RALGPS2: variants seen among roughly 807,000 people sequenced by gnomAD.
RALGPS2 encodes ras-specific guanine nucleotide-releasing factor RalGPS2.
A neutral mutation model predicts 86.8 loss-of-function variants in RALGPS2; 43 were observed. That is an observed-to-expected ratio of 0.50 (90% CI 0.39 to 0.64). RALGPS2 has a LOEUF of 0.64. Among genes scored for constraint, RALGPS2 ranks in the 30% least tolerant of loss-of-function variants. RALGPS2 has a pLI of 0.00. For missense variants in RALGPS2, 536 were observed against 694.6 expected (o/e 0.77, Z 2.57); for synonymous variants, 243 against 231.3 (o/e 1.05, Z -0.46).
intron 7 of RALGPS2, among the ~76,000 whole-genome samples, chr1:178,830,728 A>T (rs1490296448): frequency 6.6e-6 from 1 of 152,134 alleles, no homozygotes; most frequent in African/African-American, 2.4e-5. Context: ...AGCTCCAACA[A>T]TGAAAAAAAT....
At chr1:178,856,202 G>GAGAGAGATATAT (rs1428022812) in intron 8 of RALGPS2, among the ~76,000 whole-genome samples, 5 of 83,908 alleles carry the variant, frequency 6.0e-5, no homozygotes, top group African/African-American at 3.2e-4. Flanking sequence ...GAGAGAGAGA[G>GAGAGAGATATAT]ATATATATAT....
chr1:178,853,644 T>G, intron 8 of RALGPS2: 1 of 1,611,376 alleles, frequency 6.2e-7, no homozygotes, highest in Non-Finnish European at 8.5e-7. Context: ...TCTGTTCTTT[T>G]CTGAATAACA....
chr1:178,901,099 T>C (rs138574959), intron 17 of RALGPS2, among the ~76,000 whole-genome samples: 1 of 152,242 alleles, frequency 6.6e-6, no homozygotes, highest in East Asian at 1.9e-4. Flanking sequence ...CATGTTGTTA[T>C]GAATGTGCCA....
intron 1 of RALGPS2, among the ~76,000 whole-genome samples, chr1:178,761,165 G>T (rs1329329624): frequency 6.6e-6 from 1 of 152,068 alleles, no homozygotes; most frequent in Non-Finnish European, 1.5e-5. Context: ...AGTAGAGACA[G>T]GGTTTCGGCC....
intron 1 of RALGPS2, among the ~76,000 whole-genome samples, chr1:178,732,574 C>T (rs931200495): frequency 6.6e-6 from 1 of 152,154 alleles, no homozygotes; most frequent in East Asian, 1.9e-4. Context: ...GCTGGGATTA[C>T]AGGCGTGAGC....
intron 8 of RALGPS2, among the ~76,000 whole-genome samples, chr1:178,855,777 G>A (rs902337843): frequency 6.6e-6 from 1 of 151,406 alleles, no homozygotes; most frequent in Non-Finnish European, 1.5e-5. Context: ...TATCATGAAT[G>A]GATTTTGGAT....
At chr1:178,736,271 C>T (rs1469423708) in intron 1 of RALGPS2, among the ~76,000 whole-genome samples, 1 of 150,304 alleles carries the variant, frequency 6.7e-6, no homozygotes, top group African/African-American at 2.4e-5. Flanking sequence ...TCAAGATTCT[C>T]CTGCCTCAGC....
chr1:178,813,298 A>G (rs1051535279), intron 6 of RALGPS2, among the ~76,000 whole-genome samples: 1 of 152,122 alleles, frequency 6.6e-6, no homozygotes, highest in African/African-American at 2.4e-5. Flanking sequence ...ATTTTCTGAT[A>G]TTTTTGTTAG....
At chr1:178,748,761 C>T (rs1387344158) in intron 1 of RALGPS2, among the ~76,000 whole-genome samples, 1 of 148,486 alleles carries the variant, frequency 6.7e-6, no homozygotes, top group Non-Finnish European at 1.5e-5. Context: ...GCTGAGGCAG[C>T]AGAATCGCTT....
In RALGPS2 at chr1:178,911,314, T is replaced by C. The variant is rs114552015; in HGVS notation, c.1722+4447T>C. Among the ~76,000 whole-genome samples the C allele has an allele frequency of 3.3e-3, 495 of 152,240 alleles. 5 individuals are homozygous for C. The highest frequency in any genetic ancestry group is 0.011 in the African/African-American group (443 of 41,556). ...TGCTAGCTTTGGGGTTGGTTTCCTT[T>C]TGTTTTGTTTTTCTAGTTCCTCAAG... On this transcript the variant is annotated intron_variant, in intron 19 of 19. Transcript: ENST00000367635.
Position 178,780,704 on chromosome 1 carries a change from A to G in RALGPS2, c.58-3714A>G, listed in dbSNP as rs191184122. Among the ~76,000 whole-genome samples the G allele has an allele frequency of 3.0e-3, 455 of 152,182 alleles. 2 individuals are homozygous for G. The highest frequency in any genetic ancestry group is 0.01 in the African/African-American group (434 of 41,522). ...TTCTGTCATAACTTTGCCTATACCA[A>G]TGTTTCTAGCTGGAATTTTTCTTCC... On this transcript the variant is annotated intron_variant, in intron 2 of 19. Transcript: ENST00000367635.
At chr1:178,816,309 T>C (rs1244839236) in intron 6 of RALGPS2, among the ~76,000 whole-genome samples, 1 of 152,178 alleles carries the variant, frequency 6.6e-6, no homozygotes, top group African/African-American at 2.4e-5. Context: ...ACTGTGGTTT[T>C]AATTTGTATT....
chr1:178,776,560 C>T, intron 1 of RALGPS2, 122 bp from the exon 2 acceptor site: 1 of 420,996 alleles, frequency 2.4e-6, no homozygotes, highest in Non-Finnish European at 4.2e-6. Flanking sequence ...AGCGACTGAG[C>T]TAAGATAATA....
chr1:178,737,687 CATTTTT>C (rs1460675473), intron 1 of RALGPS2, among the ~76,000 whole-genome samples: 1 of 152,170 alleles, frequency 6.6e-6, no homozygotes, highest in African/African-American at 2.4e-5. Context: ...AAATATTTTT[CATTTTT>C]AATTCATCTT....
chr1:178,885,983 T>C lies in RALGPS2; in HGVS notation c.1055T>C (p.Met352Thr), dbSNP rs769510660. Residue 352 changes from methionine (M) to threonine (T), a missense_variant, in exon 13 of 20, where the codon ATG becomes ACG. By Grantham distance (81) the Met-to-Thr change is moderately conservative. Transcript: ENST00000367635. ...TCTGTTTCTAGTTTCATTCATAAAA[T>C]GAACACAGCAGAATTTAAGAGTGCA... is the stretch of plus-strand genomic sequence containing the variant. ...HSLGYNFIHK[M>T]NTAEFKSATF... The C allele has an allele frequency of 1.3e-6, 2 of 1,590,642 alleles. No homozygotes were observed. Among genetic ancestry groups the C allele is most frequent in the Non-Finnish European group, 1.7e-6 (2 of 1,172,550 alleles).
intron 14 of RALGPS2, 135 bp downstream of exon 14, chr1:178,889,831 A>G: frequency 3.7e-6 from 2 of 541,824 alleles, no homozygotes; most frequent in South Asian, 6.2e-5. Flanking sequence ...AGAAATTAGA[A>G]GTTGATATTT....
intron 4 of RALGPS2, among the ~76,000 whole-genome samples, chr1:178,805,352 C>G (rs1654691134): frequency 6.6e-6 from 1 of 151,410 alleles, no homozygotes; most frequent in Non-Finnish European, 1.5e-5. Flanking sequence ...AAGTCCTTGC[C>G]CATGCCTATG....
At chr1:178,834,467 A>G (rs1572380647) in intron 8 of RALGPS2, among the ~76,000 whole-genome samples, 1 of 152,236 alleles carries the variant, frequency 6.6e-6, no homozygotes, top group South Asian at 2.1e-4. Context: ...ATACATGCCC[A>G]TTTAGCTACT....
intron 7 of RALGPS2, among the ~76,000 whole-genome samples, chr1:178,822,092 CTG>C (rs1250203463): frequency 6.6e-6 from 1 of 152,084 alleles, no homozygotes; most frequent in African/African-American, 2.4e-5. Context: ...AAAAATTTTA[CTG>C]ATTTCAATTT....
Sources: allele counts gnomAD v4.1 joint callset (sites outside exome capture counted in the v4.1 genomes callset), GRCh38; gene constraint gnomAD v4.1.1; transcripts MANE v1.5; gene names NCBI Gene and HGNC (gene_info 2026-07-23, HGNC 2026-07-21).